The following CHPT1 variants were observed in gnomAD, a reference collection of about 807,000 sequenced individuals.
The protein encoded by CHPT1 is cholinephosphotransferase 1.
A neutral mutation model predicts 47.6 loss-of-function variants in CHPT1; 36 were observed. That is an observed-to-expected ratio of 0.76 (90% CI 0.58 to 1.00). The LOEUF is 1.00. Among genes scored for constraint, CHPT1 ranks in the 50% least tolerant of loss-of-function variants. The pLI is 0.00. For missense variants in CHPT1, 458 were observed against 498.1 expected (o/e 0.92, Z 0.77); for synonymous variants, 194 against 186.3 (o/e 1.04, Z -0.33).
chr12:101,699,824 T>G (rs764554085), intron 1 of CHPT1, among the ~76,000 whole-genome samples: 52 of 152,310 alleles, frequency 3.4e-4, no homozygotes, highest in Admixed American at 7.8e-4. Context: ...AGAGGGAGTG[T>G]GTTAGAATGA....
chr12:101,704,460 G>A (rs1395613400), intron 1 of CHPT1, among the ~76,000 whole-genome samples: 2 of 147,498 alleles, frequency 1.4e-5, no homozygotes, highest in African/African-American at 5.0e-5. Flanking sequence ...GGAGTGCAGT[G>A]GTGCAACCTT....
In CHPT1 at chr12:101,709,550, G is replaced by A. The variant is rs900697734; in HGVS notation, c.274-4540G>A. On this transcript the variant is annotated intron_variant, in intron 1 of 8. Coordinates refer to ENST00000229266, the MANE Select transcript of CHPT1 (RefSeq NM_020244.3). ...GTGAGAAAATGCAACCTATTTAATCGCTTTCACCTAGGAATGGAGGTGGTG... is the reference window on the plus strand; with the variant it reads ...GTGAGAAAATGCAACCTATTTAATCACTTTCACCTAGGAATGGAGGTGGTG... 1.2e-4 allele frequency among the ~76,000 whole-genome samples: 18 copies of A among 148,530 alleles called. 3 individuals are homozygous for A. Among genetic ancestry groups the A allele is most frequent in the Non-Finnish European group, 9.0e-5 (6 of 66,392 alleles).
At position 101,715,260 on chromosome 12, in the gene CHPT1, C is replaced by T. The variant is rs560723032; in HGVS notation, c.563+615C>T. On this transcript the variant is annotated intron_variant, in intron 3 of 8. Transcript: ENST00000229266. Reference sequence around the variant, plus strand: ...TCCTCTTTTTCATATAGTTCCCTCTCGGTCTGATCCTTTTAAGAACTTTGT... The same window carrying T: ...TCCTCTTTTTCATATAGTTCCCTCTTGGTCTGATCCTTTTAAGAACTTTGT... Among the ~76,000 whole-genome samples, 13 of 152,272 alleles carry T rather than the reference C, an allele frequency of 8.5e-5. No homozygotes were observed. In the East Asian group the frequency reaches 1.7e-3, roughly 20 times the overall value.
chr12:101,702,551 G>T (rs1334558947), intron 1 of CHPT1, among the ~76,000 whole-genome samples: 2 of 151,972 alleles, frequency 1.3e-5, no homozygotes, highest in African/African-American at 4.8e-5. Context: ...GGTTATCTTT[G>T]TACTACATAT....
chr12:101,701,721 A>G (rs772598121), intron 1 of CHPT1, among the ~76,000 whole-genome samples: 2 of 152,222 alleles, frequency 1.3e-5, no homozygotes, highest in African/African-American at 2.4e-5. Context: ...TATAATCTCT[A>G]TAGCACAGTG....
At chr12:101,725,409 G>T (rs573216439) in intron 7 of CHPT1, among the ~76,000 whole-genome samples, 4 of 152,102 alleles carry the variant, frequency 2.6e-5, no homozygotes, top group East Asian at 1.9e-4. Context: ...AAAAATAGGG[G>T]ATAATTAATC....
At chr12:101,717,394 C>A in intron 4 of CHPT1, 1 of 434,998 alleles carries the variant, frequency 2.3e-6, no homozygotes, top group South Asian at 1.6e-5. Flanking sequence ...GTTACCACAA[C>A]GTAAGTCCAC....
rs1280972667 is a variant in CHPT1, at chr12:101,712,128, C to T, written c.274-1962C>T. On this transcript the variant is annotated intron_variant, in intron 1 of 8. Coordinates refer to ENST00000229266, the MANE Select transcript of CHPT1 (RefSeq NM_020244.3). ...CTCGACTTCCCCAGGCTTGGGTGAT[C>T]CTCCCACCTCAGCCTCCTGAGTAGC... Among the ~76,000 whole-genome samples the T allele has an allele frequency of 1.3e-5, 2 of 148,506 alleles. 1 individual carries two copies. The highest frequency in any genetic ancestry group is 4.9e-5 in the African/African-American group (2 of 41,018).
At chr12:101,725,156 G>A (rs11110982) in intron 7 of CHPT1, among the ~76,000 whole-genome samples, 12,930 of 151,980 alleles carry the variant, frequency 0.085, 624 homozygotes, top group South Asian at 0.18. Context: ...ACATCTAATG[G>A]TCCCTTACTA....
Position 101,729,037 on chromosome 12 carries a change from C to CTATT in CHPT1, c.*94_*97dup. On this transcript the variant is annotated 3_prime_UTR_variant, in exon 9 of 9. Transcript: ENST00000229266. ...TTTAATTTTTATTTAAGTGTTATACCTATTTCAGCAAATAAAATATTTCAT... is the reference window on the plus strand; with the variant it reads ...TTTAATTTTTATTTAAGTGTTATACCTATTTATTTCAGCAAATAAAATATTTCAT... 1 of 1,609,430 alleles carries CTATT rather than the reference C, an allele frequency of 6.2e-7. No individual in the cohort carries two copies. The highest frequency in any genetic ancestry group is 1.1e-5 in the South Asian group (1 of 90,790).
In CHPT1 at chr12:101,723,942, C is replaced by A. The variant is rs140593510; in HGVS notation, c.1065+95C>A. On this transcript the variant is annotated intron_variant, in intron 7 of 8. Transcript: ENST00000229266. ...GCCTCAAGATCTAGTCTAGGCCAGGCGTGGTGACTCACGCCTGTAATCCCA... is the reference window on the plus strand; with the variant it reads ...GCCTCAAGATCTAGTCTAGGCCAGGAGTGGTGACTCACGCCTGTAATCCCA... 306 of 924,898 alleles carry A rather than the reference C, an allele frequency of 3.3e-4. No individual in the cohort carries two copies. The African/African-American group carries it at 5.0e-3, about 15-fold the overall frequency. 57.3% of individuals were successfully genotyped at this position (924,898 alleles called of 1,614,324 possible).
At chr12:101,699,458 G>A (rs1004424234) in intron 1 of CHPT1, among the ~76,000 whole-genome samples, 6 of 151,266 alleles carry the variant, frequency 4.0e-5, no homozygotes, top group Non-Finnish European at 5.9e-5. Flanking sequence ...GGTGATCTCG[G>A]CTCACTGCAA....
rs1006432337 is a variant in CHPT1 at position 101,700,254 on chromosome 12, G to A, written c.273+2120G>A. Among the ~76,000 whole-genome samples the A allele has an allele frequency of 2.6e-5, 4 of 151,482 alleles. No homozygotes were observed. In the East Asian group the frequency reaches 5.8e-4, roughly 22 times the overall value. ...AAAAAAGTCAAGAGCTTCTGCCTAG[G>A]GAAGTAAAGGGAGGCCTGATGGAAG... On this transcript the variant is annotated intron_variant, in intron 1 of 8. Coordinates refer to ENST00000229266, the MANE Select transcript of CHPT1 (RefSeq NM_020244.3).
chr12:101,723,581 GAGA>G (rs1951893929), intron 6 of CHPT1, 138 bp from the exon 7 acceptor site: 9 of 634,818 alleles, frequency 1.4e-5, no homozygotes, highest in South Asian at 2.4e-5. Flanking sequence ...TTGTGAATTT[GAGA>G]AGGTGTAGAA....
intron 1 of CHPT1, among the ~76,000 whole-genome samples, chr12:101,713,269 C>A (rs1951718778): frequency 1.6e-5 from 2 of 123,694 alleles, no homozygotes; most frequent in Non-Finnish European, 1.9e-5. Flanking sequence ...CATTGCAGTG[C>A]TTCTCTCCCT....
At chr12:101,714,691 C>A (rs1025526385) in intron 3 of CHPT1, 46 bp downstream of exon 3, 1 of 1,543,502 alleles carries the variant, frequency 6.5e-7, no homozygotes, top group Non-Finnish European at 8.7e-7. Context: ...TAATTGAATT[C>A]ATTTGCACAA....
Position 101,726,313 on chromosome 12 carries a change from T to C in CHPT1, c.1085T>C (p.Met362Thr). The change falls in exon 8 of 9, where the codon ATG (methionine) becomes ACG (threonine). Residue 362 changes from methionine (M) to threonine (T), a missense_variant. Met to Thr is a moderately conservative substitution (Grantham distance 81). Coordinates refer to ENST00000229266, the MANE Select transcript of CHPT1 (RefSeq NM_020244.3). ...WMAMVISSFD[M>T]VIYFSALCLQ... is the part of the protein sequence containing the mutation. The stretch of plus-strand genomic sequence containing the variant: ...CTAAAGGTGATTTCTTCATTTGATA[T>C]GGTGATATACTTTAGTGCTTTGTGC... 6.2e-7 allele frequency: 1 copy of C among 1,608,830 alleles called. No individual in the cohort carries two copies. The highest frequency in any genetic ancestry group is 8.5e-7 in the Non-Finnish European group (1 of 1,176,078).
rs11110981 is a variant in CHPT1, at chr12:101,725,021, C to T, written c.1065+1174C>T. 0.022 allele frequency among the ~76,000 whole-genome samples: 3,323 copies of T among 152,152 alleles called. 332 individuals carry two copies. In the East Asian group the frequency reaches 0.31, roughly 14 times the overall value. Reference sequence around the variant, plus strand: ...AGTGATATATAAATATACCGAAGTACACCAAAACAAAACCCCCCAAAACCC... The same window carrying T: ...AGTGATATATAAATATACCGAAGTATACCAAAACAAAACCCCCCAAAACCC... On this transcript the variant is annotated intron_variant, in intron 7 of 8. Coordinates refer to ENST00000229266, the MANE Select transcript of CHPT1 (RefSeq NM_020244.3).
intron 1 of CHPT1, among the ~76,000 whole-genome samples, chr12:101,704,722 A>AT (rs1487945796): frequency 8.0e-6 from 1 of 125,360 alleles, no homozygotes; most frequent in Non-Finnish European, 1.6e-5. Context: ...AATACATTAA[A>AT]TTTTTTCAAA....
Sources: allele counts gnomAD v4.1 joint callset (sites outside exome capture counted in the v4.1 genomes callset), GRCh38; gene constraint gnomAD v4.1.1; transcripts MANE v1.5; gene names NCBI Gene and HGNC (gene_info 2026-07-23, HGNC 2026-07-21).